Variants in PPP1R13L observed in about 807,000 individuals in gnomAD.
PPP1R13L encodes relA-associated inhibitor.
In PPP1R13L, 50 loss-of-function variants were observed where a neutral mutation model predicts 80.9. That is an observed-to-expected ratio of 0.62 (90% CI 0.49 to 0.78). PPP1R13L has a LOEUF of 0.78. PPP1R13L is among the 30% of genes least tolerant of loss of function. The probability of loss-of-function intolerance (pLI) is 0.00; values close to 1 mark genes in which losing one functional copy is unlikely to be tolerated. For synonymous variants in PPP1R13L, 602 were observed against 534.3 expected (o/e 1.13, Z -1.75); for missense variants, 1,200 against 1,205.9 (o/e 1.00, Z 0.07).
rs751007853 is a variant in PPP1R13L, at chr19:45,385,951, C to T, written c.1954G>A (p.Asp652Asn). The T allele has an allele frequency of 6.2e-7, 1 of 1,610,910 alleles. No individual in the cohort carries two copies. Among genetic ancestry groups the T allele is most frequent in the East Asian group, 2.2e-5 (1 of 44,756 alleles). Residue 652 changes from aspartate (D) to asparagine (N), a missense_variant, in exon 10 of 13, where the codon GAC (aspartate) becomes AAC (asparagine). Transcript: ENST00000360957. ...CCCTCCTCGTTGGGCTGGCTCGGGT[C>T]GTTCATCTGAGTGCACCGGGGGAGG... Reference protein sequence around the residue: ...VVQQAVKEMNDPSQPNEEGIT... With the variant: ...VVQQAVKEMNNPSQPNEEGIT...
chr19:45,399,189 T>C (rs963789868), intron 1 of PPP1R13L, among the ~76,000 whole-genome samples: 1 of 148,306 alleles, frequency 6.7e-6, no homozygotes, highest in Non-Finnish European at 1.5e-5. Context: ...GTGATCCATC[T>C]GCCTCGGCCT....
chr19:45,400,760 ATTTTTTTTTT>A (rs887299061), intron 1 of PPP1R13L, among the ~76,000 whole-genome samples: 5 of 25,966 alleles, frequency 1.9e-4, no homozygotes, highest in South Asian at 3.6e-3. Flanking sequence ...CACCCAGCTA[ATTTTTTTTTT>A]TTTTTTTTTT....
chr19:45,404,598 G>C (rs559106765), intron 1 of PPP1R13L, among the ~76,000 whole-genome samples: 1 of 152,176 alleles, frequency 6.6e-6, no homozygotes, highest in Non-Finnish European at 1.5e-5. Context: ...AAGATCGGTC[G>C]AGACAGCAGC....
rs761825428 is a variant in PPP1R13L at position 45,397,051 on chromosome 19, CG to C, written c.205del (p.Arg69GlyfsTer155). On this transcript the variant is annotated frameshift_variant, in exon 4 of 13. Transcript: ENST00000360957. LOFTEE classifies it high-confidence loss of function. The part of the protein sequence containing the change: ...PQAGPPSRPP[R>X]YSSSSIPEPF... ...CTCAGGGATCGAGCTGGAGCTGTACCGGGGCGGCTGTGGGGAGGCCAGGGCA... is the reference window on the plus strand; with the variant it reads ...CTCAGGGATCGAGCTGGAGCTGTACCGGGCGGCTGTGGGGAGGCCAGGGCA... The C allele has an allele frequency of 3.0e-6, 4 of 1,319,102 alleles. No homozygotes were observed. Among genetic ancestry groups the C allele is most frequent in the Non-Finnish European group, 3.9e-6 (4 of 1,035,418 alleles). 81.7% of individuals were successfully genotyped at this position (1,319,102 alleles called of 1,614,324 possible). A position where few individuals can be genotyped will look rare whatever the true frequency, so the allele number is the denominator to read the frequency against.
chr19:45,395,170 A>T, intron 7 of PPP1R13L: 1 of 481,792 alleles, frequency 2.1e-6, no homozygotes, highest in South Asian at 2.6e-5. Flanking sequence ...ACACTCAAGA[A>T]AATTGAGGCC....
chr19:45,399,200 C>T, intron 1 of PPP1R13L, among the ~76,000 whole-genome samples: 1 of 146,232 alleles, frequency 6.8e-6, no homozygotes, highest in Middle Eastern at 4.0e-3. Flanking sequence ...GCCTCGGCCT[C>T]CCAAAGTGCT....
At position 45,392,206 on chromosome 19, in the gene PPP1R13L, G is replaced by A. The variant is rs780782568; in HGVS notation, c.1489C>T (p.Leu497=). 2 of 1,611,810 alleles carry A rather than the reference G, an allele frequency of 1.2e-6. No homozygotes were observed. Among genetic ancestry groups the A allele is most frequent in the Non-Finnish European group, 1.7e-6 (2 of 1,178,680 alleles). Residue 497 remains leucine, a synonymous_variant, in exon 8 of 13, where the codon CTG becomes TTG. Transcript: ENST00000360957. ...PLSPTRLQPA[L]PPEAQSVPEL... Reference sequence around the variant, plus strand: ...GGCACCGACTGTGCCTCCGGTGGCAGTGCTGGCTGCAGCCTCGTGGGGCTG... The same window carrying A: ...GGCACCGACTGTGCCTCCGGTGGCAATGCTGGCTGCAGCCTCGTGGGGCTG...
chr19:45,394,528 T>A (rs1344338773), intron 7 of PPP1R13L: 1 of 151,156 alleles, frequency 6.6e-6, no homozygotes, highest in Non-Finnish European at 1.5e-5. Context: ...CTGTCACCTG[T>A]GCTGGAGTGC....
intron 1 of PPP1R13L, chr19:45,402,050 C>G (rs1973243432): frequency 6.6e-6 from 1 of 152,164 alleles, no homozygotes; most frequent in African/African-American, 2.4e-5. Flanking sequence ...CATAGGACTA[C>G]TGTAAGAATC....
chr19:45,395,602 G>C lies in PPP1R13L; in HGVS notation c.1188C>G (p.Pro396=), dbSNP rs776751962. 6.8e-7 allele frequency: 1 copy of C among 1,473,890 alleles called. No homozygotes were observed. The highest frequency in any genetic ancestry group is 9.0e-7 in the Non-Finnish European group (1 of 1,116,182). The allele number at this position is 1,473,890 out of a possible 1,614,324, so 91.3% of individuals were successfully genotyped here. ...GASRAMLPGS[P]LFTRAPPPKL... ...TAGGCGGGGGTGCTCGGGTGAAGAG[G>C]GGGGACCCAGGGAGCATGGCGCGGC... The change falls in exon 7 of 13, where the codon CCC becomes CCG. Residue 396 remains proline, a synonymous_variant. Transcript: ENST00000360957.
chr19:45,399,222 C>A (rs959168040), intron 1 of PPP1R13L, among the ~76,000 whole-genome samples: 1 of 145,286 alleles, frequency 6.9e-6, no homozygotes, highest in Non-Finnish European at 1.5e-5. Context: ...GGATTACAGG[C>A]GTGAGCCACC....
At chr19:45,386,416 A>C (rs1972871432) in intron 8 of PPP1R13L, among the ~76,000 whole-genome samples, 1 of 152,132 alleles carries the variant, frequency 6.6e-6, no homozygotes, top group Admixed American at 6.6e-5. Flanking sequence ...CTTGGGAGAA[A>C]GCTGGGGGGC....
At chr19:45,398,479 C>A in intron 1 of PPP1R13L, 140 bp from the exon 2 acceptor site, 3 of 824,654 alleles carry the variant, frequency 3.6e-6, no homozygotes. Context: ...TTCACCTCCC[C>A]AGCTGGGAAA....
At position 45,398,152 on chromosome 19, in the gene PPP1R13L, G is replaced by C. The variant is rs774393289; in HGVS notation, c.56-5C>G. ...CCATGTGTTTCATGGCCAGCGCTGG[G>C]AAGGTGGGAGTGGAGGTAAGGACCT... is the stretch of plus-strand genomic sequence containing the variant. On this transcript the variant is annotated splice_region_variant and splice_polypyrimidine_tract_variant and intron_variant, in intron 2 of 12. Transcript: ENST00000360957. 4 of 1,613,590 alleles carry C rather than the reference G, an allele frequency of 2.5e-6. No homozygotes were observed. Among genetic ancestry groups the C allele is most frequent in the Non-Finnish European group, 2.5e-6 (3 of 1,179,696 alleles).
rs1267610127 is a variant in PPP1R13L, at chr19:45,386,110, A to G, written c.1886T>C (p.Val629Ala). The change falls in exon 9 of 13, where the codon GTG becomes GCG. Residue 629 changes from valine to alanine, a missense_variant. Physicochemically the swap from Val to Ala is moderately conservative, Grantham distance 64. This residue lies in a region of PPP1R13L where 214 missense variants were observed against 199.6 expected (regional missense o/e 1.07). Coordinates refer to ENST00000360957, the MANE Select transcript of PPP1R13L (RefSeq NM_006663.4). ...KARRARLNPL[V>A]LLLDAALTGE... ...GGTCAGCGCCGCGTCCAGGAGGAGC[A>G]CCAGAGGGTTGAGGCGCGCGCGGCG... The G allele has an allele frequency of 6.4e-7, 1 of 1,571,240 alleles. No individual in the cohort carries two copies. The highest frequency in any genetic ancestry group is 1.2e-5 in the South Asian group (1 of 86,726).
chr19:45,396,374 AC>A lies in PPP1R13L; in HGVS notation c.774del (p.Tyr259ThrfsTer116). 6.2e-7 allele frequency: 1 copy of A among 1,614,090 alleles called. No homozygotes were observed. The highest frequency in any genetic ancestry group is 8.5e-7 in the Non-Finnish European group (1 of 1,179,986). On this transcript the variant is annotated frameshift_variant, in exon 5 of 13. Coordinates refer to ENST00000360957, the MANE Select transcript of PPP1R13L (RefSeq NM_006663.4). LOFTEE classifies it high-confidence loss of function. The surrounding 1 kb of genome is among the most constrained non-coding windows in gnomAD (Gnocchi z 5.3). The part of the protein sequence containing the change: ...KAWNESDLDV[A>X]YEKKPSQTAS... Reference sequence around the variant, plus strand: ...GCTGTCTGCGAAGGCTTCTTCTCGTACGCCACGTCCAGGTCAGACTCGTTCC... The same window carrying A: ...GCTGTCTGCGAAGGCTTCTTCTCGTAGCCACGTCCAGGTCAGACTCGTTCC...
chr19:45,395,839 AG>A lies in PPP1R13L; in HGVS notation c.950del (p.Pro317LeufsTer58). On this transcript the variant is annotated frameshift_variant, in exon 7 of 13. Transcript: ENST00000360957. LOFTEE classifies it high-confidence loss of function. ...CGTCTGAACGCCGGTCGCTGGCCAG[AG>A]GAGAGACCTTGTAATTGCGCGGCAG... ...ATLPRNYKVS[P>X]LASDRRSDAG... is the part of the protein sequence containing the mutation. 1 of 1,597,828 alleles carries A rather than the reference AG, an allele frequency of 6.3e-7. No individual in the cohort carries two copies. Among genetic ancestry groups the A allele is most frequent in the Non-Finnish European group, 8.5e-7 (1 of 1,173,932 alleles).
At chr19:45,397,098 G>T in intron 3 of PPP1R13L, 40 bp from the exon 4 acceptor site, 1 of 1,261,422 alleles carries the variant, frequency 7.9e-7, no homozygotes, top group Non-Finnish European at 1.0e-6. Flanking sequence ...GATCAAAGGA[G>T]ACATTAGTGG....
chr19:45,395,936 A>T, intron 6 of PPP1R13L, 50 bp from the exon 7 acceptor site: 1 of 1,478,074 alleles, frequency 6.8e-7, no homozygotes. Context: ...GGGAAGGTGG[A>T]GGGGAGGTAA....
Sources: gnomAD v4.1 joint callset for allele counts (sites outside exome capture counted in the v4.1 genomes callset) on GRCh38, gnomAD v4.1.1 for gene constraint, gnomAD v4.1.1 regional missense constraint, Gnocchi (gnomAD v3.1) non-coding constraint, MANE v1.5 for transcripts, NCBI Gene and HGNC (gene_info 2026-07-23, HGNC 2026-07-21) for gene names.